The following RFX3 variants were observed in gnomAD, a reference collection of about 807,000 sequenced individuals.
RFX3 encodes the protein regulatory factor X3, also known as transcription factor RFX3.
In RFX3, 14 loss-of-function variants were observed where a neutral mutation model predicts 98.6. That is an observed-to-expected ratio of 0.14 (90% CI 0.09 to 0.22). RFX3 has a LOEUF of 0.22. RFX3 is among the 10% of genes least tolerant of loss of function. The pLI, the probability that RFX3 is intolerant of heterozygous loss-of-function variation, is 1.00. For missense variants in RFX3, 639 were observed against 926.9 expected (o/e 0.69, Z 4.03); for synonymous variants, 383 against 328.4 (o/e 1.17, Z -1.80).
At chr9:3,489,467 A>G (rs1850562669) in intron 1 of RFX3, 2 of 975,886 alleles carry the variant, frequency 2.0e-6, no homozygotes, top group Non-Finnish European at 2.4e-6. Context: ...ACATAACAAA[A>G]CTATTATTGA....
At chr9:3,508,620 T>C (rs1817350156) in intron 1 of RFX3, among the ~76,000 whole-genome samples, 2 of 151,976 alleles carry the variant, frequency 1.3e-5, no homozygotes, top group Admixed American at 6.6e-5. Context: ...TCTCCCTTTT[T>C]GTTGAAGGTG....
intron 15 of RFX3, among the ~76,000 whole-genome samples, chr9:3,239,493 A>C (rs1196968064): frequency 1.3e-5 from 2 of 152,222 alleles, no homozygotes; most frequent in East Asian, 3.9e-4. Context: ...ATCTGTAAAC[A>C]GGGCAGCATG....
At chr9:3,446,954 A>G (rs1422621133) in intron 1 of RFX3, among the ~76,000 whole-genome samples, 1 of 152,122 alleles carries the variant, frequency 6.6e-6, no homozygotes, top group Admixed American at 6.5e-5. Context: ...GCTAATGGAA[A>G]AATTATTTTA....
chr9:3,351,668 A>G (rs1024791815), intron 2 of RFX3, among the ~76,000 whole-genome samples: 13 of 152,070 alleles, frequency 8.5e-5, no homozygotes, highest in African/African-American at 2.9e-4. Flanking sequence ...GTGGGTCACA[A>G]AATTAAAATT....
chr9:3,417,294 A>G (rs1292141772), intron 1 of RFX3, among the ~76,000 whole-genome samples: 1 of 152,136 alleles, frequency 6.6e-6, no homozygotes, highest in East Asian at 1.9e-4. Flanking sequence ...CAAGTAGTAA[A>G]GATATAAAAA....
At chr9:3,363,410 C>T (rs968677340) in intron 2 of RFX3, among the ~76,000 whole-genome samples, 1 of 152,156 alleles carries the variant, frequency 6.6e-6, no homozygotes, top group African/African-American at 2.4e-5. Flanking sequence ...CAGATTCATA[C>T]TTACTCCCGG....
In RFX3 at chr9:3,267,127, A is replaced by G. The variant is rs1326786210; in HGVS notation, c.1358-822T>C. ...CTGCTTACTGAGATTGCTATATAGT[A>G]GGAGACAGAATACTTTCCTTGTTCA... On this transcript the variant is annotated intron_variant, in intron 11 of 16. Transcript: ENST00000617270. Among the ~76,000 whole-genome samples the G allele has an allele frequency of 3.3e-5, 5 of 152,138 alleles. No individual in the cohort carries two copies. The East Asian group carries it at 9.7e-4, about 29-fold the overall frequency.
chr9:3,351,640 A>G (rs763191404), intron 2 of RFX3, among the ~76,000 whole-genome samples: 12 of 152,062 alleles, frequency 7.9e-5, no homozygotes, highest in Non-Finnish European at 1.6e-4. Flanking sequence ...GAACTAAAAC[A>G]TGTTAGAACA....
chr9:3,305,696 G>T (rs1829215127), intron 4 of RFX3, among the ~76,000 whole-genome samples: 1 of 151,986 alleles, frequency 6.6e-6, no homozygotes, highest in African/African-American at 2.4e-5. Context: ...AGTTTCAAGG[G>T]GGTAGTTTTA....
intron 2 of RFX3, among the ~76,000 whole-genome samples, chr9:3,350,444 G>T (rs1281252635): frequency 6.6e-6 from 1 of 152,104 alleles, no homozygotes; most frequent in African/African-American, 2.4e-5. Flanking sequence ...GAGAAATATA[G>T]AAACTCTCAT....
chr9:3,225,417 G>A, intron 16 of RFX3, 137 bp from the exon 17 acceptor site: 1 of 1,332,698 alleles, frequency 7.5e-7, no homozygotes, highest in Non-Finnish European at 1.0e-6. Context: ...AAAGCTTAGA[G>A]GTTTTCTTTT....
At chr9:3,360,152 G>C (rs1473750984) in intron 2 of RFX3, among the ~76,000 whole-genome samples, 3 of 151,996 alleles carry the variant, frequency 2.0e-5, no homozygotes, top group African/African-American at 7.2e-5. Context: ...ACTTAGAGAA[G>C]AGATAATTAA....
chr9:3,412,362 G>A (rs948589997), intron 1 of RFX3, among the ~76,000 whole-genome samples: 5 of 152,066 alleles, frequency 3.3e-5, no homozygotes, highest in Middle Eastern at 3.2e-3. Context: ...ATTTTATAAG[G>A]AATGTTATGA....
intron 1 of RFX3, among the ~76,000 whole-genome samples, chr9:3,467,118 ACATAT>A (rs984174216): frequency 1.1e-3 from 156 of 137,850 alleles, no homozygotes; most frequent in Non-Finnish European, 2.1e-3. Flanking sequence ...GTATATACAT[ACATAT>A]ATGTAAGTAT....
chr9:3,248,279 A>C (rs779546291), intron 14 of RFX3, 94 bp from the exon 15 acceptor site: 4 of 1,433,676 alleles, frequency 2.8e-6, no homozygotes, highest in Non-Finnish European at 3.7e-6. Context: ...TCAAGCTGGG[A>C]GTCTATATGG....
At chr9:3,432,823 G>A (rs1844771706) in intron 1 of RFX3, among the ~76,000 whole-genome samples, 1 of 152,136 alleles carries the variant, frequency 6.6e-6, no homozygotes, top group African/African-American at 2.4e-5. Context: ...TTATGACTTG[G>A]ATGCTTCTAT....
chr9:3,520,372 T>C (rs1286108225), intron 1 of RFX3, among the ~76,000 whole-genome samples: 1 of 152,210 alleles, frequency 6.6e-6, no homozygotes, highest in African/African-American at 2.4e-5. Flanking sequence ...AAAAAGTTTA[T>C]ATGCTGTAAC....
At chr9:3,352,800 T>C (rs1410500699) in intron 2 of RFX3, among the ~76,000 whole-genome samples, 1 of 152,032 alleles carries the variant, frequency 6.6e-6, no homozygotes, top group Non-Finnish European at 1.5e-5. Flanking sequence ...CTAGAACCAT[T>C]TTCCACATTG....
intron 1 of RFX3, among the ~76,000 whole-genome samples, chr9:3,472,860 C>T (rs929560022): frequency 7.2e-5 from 11 of 152,246 alleles, no homozygotes; most frequent in Middle Eastern, 3.4e-3. Context: ...ATTTTCTGTA[C>T]ATTATGTAGT....
Sources: gnomAD v4.1 joint callset for allele counts (sites outside exome capture counted in the v4.1 genomes callset) on GRCh38, gnomAD v4.1.1 for gene constraint, MANE v1.5 for transcripts, NCBI Gene and HGNC (gene_info 2026-07-23, HGNC 2026-07-21) for gene names.